RASAL1: variants seen among roughly 807,000 people sequenced by gnomAD.
RASAL1 encodes RAS protein activator like 1.
RASAL1 carries 72 observed loss-of-function variants against 96.6 expected under a neutral mutation model. The ratio of observed to expected loss-of-function variants is 0.75; its 90% CI spans 0.62 to 0.91. The LOEUF is 0.91. Among genes scored for constraint, RASAL1 ranks in the 40% least tolerant of loss-of-function variants. RASAL1 has a pLI of 0.00. For missense variants in RASAL1, 1,016 were observed against 1,072.5 expected (o/e 0.95, Z 0.74); for synonymous variants, 405 against 430.4 (o/e 0.94, Z 0.73).
intron 16 of RASAL1, 74 bp downstream of exon 16, chr12:113,105,640 C>T: frequency 6.8e-7 from 1 of 1,462,300 alleles, no homozygotes; most frequent in Non-Finnish European, 9.2e-7. Context: ...CTCAGTTTCC[C>T]CCTGGGTACA....
chr12:113,112,177 CCCACGATGGCGT>C lies in RASAL1; in HGVS notation c.1271_1282del (p.Asp424_Val427del), dbSNP rs1950889076. On this transcript the variant is annotated inframe_deletion, in exon 13 of 21. Transcript: ENST00000548055. ...GGCGGGCGGGCAGCGCCCCACGGAGCCCACGATGGCGTCCACGATGGGCCCCAGGTAGCCCGT... is the reference window on the plus strand; with the variant it reads ...GGCGGGCGGGCAGCGCCCCACGGAGCCCACGATGGGCCCCAGGTAGCCCGT... 8.0e-7 allele frequency: 1 copy of C among 1,257,070 alleles called. No homozygotes were observed. The highest frequency in any genetic ancestry group is 1.5e-5 in the African/African-American group (1 of 64,572). 77.9% of individuals were successfully genotyped at this position (1,257,070 alleles called of 1,614,324 possible). A position where few individuals can be genotyped will look rare whatever the true frequency, so the allele number is the denominator to read the frequency against.
Position 113,135,438 on chromosome 12 carries a change from C to CTGCT in RASAL1, c.24_25insAGCA (p.Val9SerfsTer68). The CTGCT allele has an allele frequency of 6.2e-7, 1 of 1,610,098 alleles. No homozygotes were observed. Among genetic ancestry groups the CTGCT allele is most frequent in the African/African-American group, 1.3e-5 (1 of 74,994 alleles). ...AGCGCGCGGCCCTCCACCACGCGAA[C>CTGCT]ATTCAGGGAGCTGCTCTTGGCCATG... is the stretch of plus-strand genomic sequence containing the variant. On this transcript the variant is annotated frameshift_variant, in exon 1 of 21. Coordinates refer to ENST00000548055, the MANE Select transcript of RASAL1 (RefSeq NM_001301202.2). LOFTEE classifies it high-confidence loss of function. The surrounding 1 kb of genome is among the most constrained non-coding windows in gnomAD (Gnocchi z 5.7).
At chr12:113,124,490 T>A (rs993458867) in intron 4 of RASAL1, among the ~76,000 whole-genome samples, 2 of 152,214 alleles carry the variant, frequency 1.3e-5, no homozygotes, top group East Asian at 3.8e-4. Context: ...AGTCCACAAG[T>A]TCCTGCAAGC....
In RASAL1 at chr12:113,115,460, C is replaced by T. The variant is rs556723414; in HGVS notation, c.1003+175G>A. The stretch of plus-strand genomic sequence containing the variant: ...GTCACACAGCCCACAAGTAGCAAAG[C>T]CAGGGCCTGAACCTGCAATTGGGCT... On this transcript the variant is annotated intron_variant, in intron 10 of 20. Coordinates refer to ENST00000548055, the MANE Select transcript of RASAL1 (RefSeq NM_001301202.2). This position sits in a 1 kb window ranked among gnomAD's most constrained non-coding sequence, Gnocchi z 4.1. Among the ~76,000 whole-genome samples, 461 of 152,292 alleles carry T rather than the reference C, an allele frequency of 3.0e-3. 4 individuals carry two copies. Among genetic ancestry groups the T allele is most frequent in the African/African-American group, 0.01 (433 of 41,554 alleles).
chr12:113,132,798 C>A (rs1375362883), intron 1 of RASAL1, among the ~76,000 whole-genome samples: 1 of 152,214 alleles, frequency 6.6e-6, no homozygotes, highest in Non-Finnish European at 1.5e-5. Context: ...GCTTCTATCC[C>A]TGAACACTTT....
In RASAL1 at chr12:113,128,144, A is replaced by G. The variant is rs781635534; in HGVS notation, c.157T>C (p.Trp53Arg). 16 of 1,613,686 alleles carry G rather than the reference A, an allele frequency of 9.9e-6. No individual in the cohort carries two copies. The highest frequency in any genetic ancestry group is 1.6e-4 in the Middle Eastern group (1 of 6,084). The change falls in exon 3 of 21, where the codon TGG becomes CGG. Residue 53 changes from tryptophan to arginine, a missense_variant. By Grantham distance (101) the Trp-to-Arg change is moderately radical. Transcript: ENST00000548055. ...ATVWRSLGPFWGEEYTVHLPL... is the reference protein window; with the variant it reads ...ATVWRSLGPFRGEEYTVHLPL... ...AGGTGCACCGTGTACTCCTCCCCCC[A>G]GAAGGGGCCCAGGCTCCTCCAGACA...
upstream of RASAL1, among the ~76,000 whole-genome samples, chr12:113,136,560 G>A (rs1047118866): frequency 6.6e-6 from 1 of 152,362 alleles, no homozygotes; most frequent in Non-Finnish European, 1.5e-5. Context: ...CCTTCCAGGG[G>A]TTCGAATCCT....
In RASAL1 at chr12:113,104,245, C is replaced by A; in HGVS notation, c.1884G>T (p.Glu628Asp). 1 of 1,599,622 alleles carries A rather than the reference C, an allele frequency of 6.3e-7. No individual in the cohort carries two copies. Among genetic ancestry groups the A allele is most frequent in the South Asian group, 1.1e-5 (1 of 88,900 alleles). The stretch of plus-strand genomic sequence containing the variant: ...TCACGTGGGGCAGTTGGAAGGCGCC[C>A]TCGTCTACGCGCTCCACGGCGCGGA... ...SHIRAVERVD[E>D]GAFQLPHVMQ... The change falls in exon 17 of 21, where the codon GAG becomes GAT. Residue 628 changes from glutamate to aspartate, a missense_variant. By Grantham distance (45) the Glu-to-Asp change is conservative (BLOSUM62 2). Transcript: ENST00000548055.
At chr12:113,131,705 T>C (rs900676491) in intron 1 of RASAL1, among the ~76,000 whole-genome samples, 5 of 152,174 alleles carry the variant, frequency 3.3e-5, no homozygotes, top group African/African-American at 1.2e-4. Context: ...TCCCAAGCTG[T>C]CTAACAGGTC....
intron 13 of RASAL1, among the ~76,000 whole-genome samples, chr12:113,111,248 C>T (rs777764994): frequency 6.6e-6 from 1 of 152,178 alleles, no homozygotes; most frequent in Non-Finnish European, 1.5e-5. Context: ...GCCAGATCTG[C>T]GTTCTTCTCT....
At chr12:113,108,572 C>T (rs1950732116) in intron 13 of RASAL1, among the ~76,000 whole-genome samples, 1 of 152,136 alleles carries the variant, frequency 6.6e-6, no homozygotes, top group African/African-American at 2.4e-5. Context: ...AGCGATTTGC[C>T]CAGGGTCACA....
intron 4 of RASAL1, among the ~76,000 whole-genome samples, chr12:113,127,564 C>T (rs1459788989): frequency 6.6e-6 from 1 of 152,082 alleles, no homozygotes; most frequent in African/African-American, 2.4e-5. Flanking sequence ...ATGGGAGGAT[C>T]GCTTGAGCCC....
chr12:113,118,945 C>A (rs190716943), intron 7 of RASAL1, among the ~76,000 whole-genome samples, 183 bp downstream of exon 7: 1 of 152,316 alleles, frequency 6.6e-6, no homozygotes, highest in Non-Finnish European at 1.5e-5. Context: ...CTTTGACAGC[C>A]TCAGTTTCCT....
At position 113,119,385 on chromosome 12, in the gene RASAL1, C is replaced by T. The variant is rs774222018; in HGVS notation, c.487G>A (p.Gly163Ser). The stretch of plus-strand genomic sequence containing the variant: ...ACTGAGGTCTCCAAGCTCTGGCTGC[C>T]CCAAAACACACGTGCAAATGGGTCA... ...TSDPFARVFW[G>S]SQSLETSTIK... is the part of the protein sequence containing the mutation. The change falls in exon 6 of 21, where the codon GGC (glycine) becomes AGC (serine). Residue 163 changes from glycine to serine, a missense_variant. Transcript: ENST00000548055. 45 of 1,612,240 alleles carry T rather than the reference C, an allele frequency of 2.8e-5. No homozygotes were observed. Among genetic ancestry groups the T allele is most frequent in the Non-Finnish European group, 3.6e-5 (42 of 1,179,172 alleles).
chr12:113,127,727 G>T, intron 4 of RASAL1, 85 bp downstream of exon 4: 1 of 1,138,380 alleles, frequency 8.8e-7, no homozygotes, highest in Non-Finnish European at 1.3e-6. Flanking sequence ...AAGGCTCTGT[G>T]CTTCACCGTG....
At chr12:113,118,338 C>G (rs1489972372) in intron 7 of RASAL1, among the ~76,000 whole-genome samples, 1 of 152,222 alleles carries the variant, frequency 6.6e-6, no homozygotes, top group Non-Finnish European at 1.5e-5. Flanking sequence ...TGAGGACTTA[C>G]TGTACTTCAT....
intron 13 of RASAL1, among the ~76,000 whole-genome samples, chr12:113,110,753 T>C (rs2136148004): frequency 1.3e-5 from 2 of 152,152 alleles, no homozygotes; most frequent in Middle Eastern, 6.8e-3. Context: ...ACCCTGTCTC[T>C]AGAAAAATAA....
At chr12:113,112,804 T>C (rs1950918530) in intron 12 of RASAL1, among the ~76,000 whole-genome samples, 1 of 151,874 alleles carries the variant, frequency 6.6e-6, no homozygotes, top group Non-Finnish European at 1.5e-5. Context: ...ATACAAAAAT[T>C]AGCCCAGCGT....
chr12:113,115,158 C>T lies in RASAL1; in HGVS notation c.1068+42G>A, dbSNP rs369224953. The T allele has an allele frequency of 5.7e-6, 9 of 1,566,096 alleles. No homozygotes were observed. The African/African-American group carries it at 6.8e-5, about 12-fold the overall frequency. Reference sequence around the variant, plus strand: ...AGGTAGGCACTGGGAAGGAGGTACCCGAGGAAGCTGCGCCTGGTCCCGCAG... The same window carrying T: ...AGGTAGGCACTGGGAAGGAGGTACCTGAGGAAGCTGCGCCTGGTCCCGCAG... On this transcript the variant is annotated intron_variant, in intron 11 of 20. Coordinates refer to ENST00000548055, the MANE Select transcript of RASAL1 (RefSeq NM_001301202.2). This position sits in a 1 kb window ranked among gnomAD's most constrained non-coding sequence, Gnocchi z 4.1.
Sources: gnomAD v4.1 joint callset for allele counts (sites outside exome capture counted in the v4.1 genomes callset) on GRCh38, gnomAD v4.1.1 for gene constraint, Gnocchi (gnomAD v3.1) non-coding constraint, MANE v1.5 for transcripts, NCBI Gene and HGNC (gene_info 2026-07-23, HGNC 2026-07-21) for gene names.